The following ELP3 variants were observed in gnomAD, a reference collection of about 807,000 sequenced individuals.
ELP3 encodes the protein elongator complex protein 3.
ELP3 carries 56 observed loss-of-function variants against 74.9 expected under a neutral mutation model. The ratio of observed to expected loss-of-function variants is 0.75; its 90% CI spans 0.60 to 0.93. The LOEUF is 0.93. ELP3 is among the 40% of genes least tolerant of loss of function. The pLI is 0.00. For synonymous variants in ELP3, 222 were observed against 239.8 expected (o/e 0.93, Z 0.68); for missense variants, 573 against 686.5 (o/e 0.83, Z 1.85).
At chr8:28,120,626 C>A (rs2130428560) in intron 7 of ELP3, among the ~76,000 whole-genome samples, 2 of 152,272 alleles carry the variant, frequency 1.3e-5, no homozygotes, top group Middle Eastern at 6.8e-3. Flanking sequence ...ATTGCACGTT[C>A]CCAAGGCACA....
rs755739854 is a variant in ELP3, at chr8:28,097,319, G to C, written c.119+1G>C. The C allele has an allele frequency of 2.2e-5, 36 of 1,605,442 alleles. No homozygotes were observed. Among genetic ancestry groups the C allele is most frequent in the Non-Finnish European group, 3.0e-5 (35 of 1,172,708 alleles). ...AGGGGAAAGACATCGATCTAAATAA[G>C]TAAGTGGATATAAAGAGAGAGCAAG... On this transcript the variant is annotated splice_donor_variant, in intron 2 of 14. Coordinates refer to ENST00000256398, the MANE Select transcript of ELP3 (RefSeq NM_018091.6). LOFTEE classifies it high-confidence loss of function.
intron 14 of ELP3, among the ~76,000 whole-genome samples, chr8:28,175,384 T>C (rs1585748848): frequency 6.6e-6 from 1 of 152,210 alleles, no homozygotes; most frequent in South Asian, 2.1e-4. Context: ...ACTGATTCTG[T>C]CTGCTGCCTC....
intron 7 of ELP3, among the ~76,000 whole-genome samples, chr8:28,117,608 G>A (rs1812189837): frequency 2.0e-5 from 3 of 152,086 alleles, no homozygotes; most frequent in Admixed American, 2.0e-4. Flanking sequence ...TGCCTCTTGA[G>A]AAGTAATGAA....
At chr8:28,179,834 A>G (rs927732879) in intron 14 of ELP3, among the ~76,000 whole-genome samples, 4 of 152,148 alleles carry the variant, frequency 2.6e-5, no homozygotes, top group South Asian at 2.1e-4. Context: ...AATGTGAGCA[A>G]TGGGGAGTGG....
chr8:28,184,391 C>T (rs1168611461), intron 14 of ELP3, among the ~76,000 whole-genome samples: 5 of 152,126 alleles, frequency 3.3e-5, no homozygotes, highest in Non-Finnish European at 7.4e-5. Context: ...AAAGGCCCAT[C>T]GTGAGGCCTG....
At chr8:28,158,448 A>G in intron 11 of ELP3, 120 bp from the exon 12 acceptor site, 1 of 728,094 alleles carries the variant, frequency 1.4e-6, no homozygotes, top group East Asian at 2.6e-5. Flanking sequence ...TGCAAACTTA[A>G]TTTTGAGCCC....
chr8:28,117,410 A>G (rs1171775198), intron 7 of ELP3, among the ~76,000 whole-genome samples: 1 of 152,212 alleles, frequency 6.6e-6, no homozygotes, highest in East Asian at 1.9e-4. Flanking sequence ...CAGCGAGCTC[A>G]GTGCAGATCA....
intron 7 of ELP3, among the ~76,000 whole-genome samples, chr8:28,125,179 T>C (rs979295792): frequency 4.6e-5 from 7 of 152,220 alleles, no homozygotes; most frequent in Admixed American, 3.9e-4. Context: ...CAAACAAATC[T>C]GGCTGTTCAA....
At chr8:28,161,895 A>AT in intron 13 of ELP3, 102 bp from the exon 14 acceptor site, 1 of 1,131,666 alleles carries the variant, frequency 8.8e-7, no homozygotes. Context: ...CTCTTAACAG[A>AT]TTTTAGCAAC....
In ELP3 at chr8:28,189,918, C is replaced by G; in HGVS notation, c.*193C>G. On this transcript the variant is annotated 3_prime_UTR_variant, in exon 15 of 15. Transcript: ENST00000256398. The stretch of plus-strand genomic sequence containing the variant: ...GCTGACCACACCCCAGATCCGCCCT[C>G]TCCTGCGTGCACCCCAAAAAATCAC... 1 of 531,976 alleles carries G rather than the reference C, an allele frequency of 1.9e-6. No homozygotes were observed. Among genetic ancestry groups the G allele is most frequent in the South Asian group, 2.8e-5 (1 of 35,572 alleles). 33.0% of individuals were successfully genotyped at this position (531,976 alleles called of 1,614,324 possible). A position where few individuals can be genotyped will look rare whatever the true frequency, so the allele number is the denominator to read the frequency against.
chr8:28,167,010 G>A lies in ELP3; in HGVS notation c.1567+4932G>A, dbSNP rs77969192. ...CATTGGCCAAGAATCGTACAAGGCC[G>A]ATGGATCACACAGTGATGGTGAAGA... On this transcript the variant is annotated intron_variant, in intron 14 of 14. Transcript: ENST00000256398. Among the ~76,000 whole-genome samples the A allele has an allele frequency of 4.4e-3, 666 of 152,332 alleles. 5 individuals are homozygous for A. Among genetic ancestry groups the A allele is most frequent in the African/African-American group, 0.015 (612 of 41,562 alleles).
chr8:28,158,480 A>C, intron 11 of ELP3, 88 bp from the exon 12 acceptor site: 1 of 929,320 alleles, frequency 1.1e-6, no homozygotes. Flanking sequence ...GAGAGGTTTA[A>C]ATAAAAATAA....
chr8:28,152,495 T>G (rs1356831192), intron 10 of ELP3, among the ~76,000 whole-genome samples: 1 of 152,222 alleles, frequency 6.6e-6, no homozygotes, highest in Non-Finnish European at 1.5e-5. Flanking sequence ...CACTTGTGCT[T>G]TGGCGTCATG....
chr8:28,160,210 G>T lies in ELP3; in HGVS notation c.1258-19G>T, dbSNP rs765146355. The T allele has an allele frequency of 3.1e-6, 5 of 1,590,130 alleles. No homozygotes were observed. The highest frequency in any genetic ancestry group is 1.8e-5 in the Admixed American group (1 of 55,304). ...TCTTTAATTTTGAATAATATTTTTT[G>T]TGGCTTTTTACTAAATAGGTTGAAT... is the stretch of plus-strand genomic sequence containing the variant. On this transcript the variant is annotated intron_variant, in intron 12 of 14. Coordinates refer to ENST00000256398, the MANE Select transcript of ELP3 (RefSeq NM_018091.6).
intron 14 of ELP3, among the ~76,000 whole-genome samples, chr8:28,166,394 T>G (rs1317615356): frequency 2.0e-5 from 3 of 152,212 alleles, no homozygotes; most frequent in Non-Finnish European, 4.4e-5. Context: ...TATAAAATAA[T>G]GTGTAGGCAA....
Position 28,190,094 on chromosome 8 carries a change from C to T in ELP3, c.*369C>T. 5.7e-6 allele frequency: 1 copy of T among 175,188 alleles called. No individual in the cohort carries two copies. Among genetic ancestry groups the T allele is most frequent in the Non-Finnish European group, 1.2e-5 (1 of 82,512 alleles). The allele number at this position is 175,188 out of a possible 1,614,324, so 10.9% of individuals were successfully genotyped here. A position where few individuals can be genotyped will look rare whatever the true frequency, so the allele number is the denominator to read the frequency against. ...ATAAAACTGATTGTCATTCGAGGAG[C>T]AAACTTAAGAGTAGTTTATTTATAT... On this transcript the variant is annotated 3_prime_UTR_variant, in exon 15 of 15. Coordinates refer to ENST00000256398, the MANE Select transcript of ELP3 (RefSeq NM_018091.6).
chr8:28,142,069 T>C (rs1813262104), intron 10 of ELP3, among the ~76,000 whole-genome samples: 1 of 152,192 alleles, frequency 6.6e-6, no homozygotes, highest in African/African-American at 2.4e-5. Flanking sequence ...TTATAGACTT[T>C]TAAATACCAC....
rs1244215007 is a variant in ELP3, at chr8:28,106,925, C to T, written c.329+142C>T. On this transcript the variant is annotated intron_variant, in intron 4 of 14. Coordinates refer to ENST00000256398, the MANE Select transcript of ELP3 (RefSeq NM_018091.6). The stretch of plus-strand genomic sequence containing the variant: ...TAGATTACTCCTTTCAAACAAGCAA[C>T]CATTGGTAGATATTTTAGTGCTTTA... The T allele has an allele frequency of 3.7e-5, 23 of 624,560 alleles. No individual in the cohort carries two copies. The East Asian group carries it at 6.8e-4, about 18-fold the overall frequency. The allele number at this position is 624,560 out of a possible 1,614,324, so 38.7% of individuals were successfully genotyped here.
At chr8:28,096,786 C>T (rs965496702) in intron 1 of ELP3, among the ~76,000 whole-genome samples, 3 of 152,308 alleles carry the variant, frequency 2.0e-5, no homozygotes, top group African/African-American at 7.2e-5. Flanking sequence ...TTCTGTCTAC[C>T]TCTGTTCTGA....
Sources: allele counts gnomAD v4.1 joint callset (sites outside exome capture counted in the v4.1 genomes callset), GRCh38; gene constraint gnomAD v4.1.1; transcripts MANE v1.5; gene names NCBI Gene and HGNC (gene_info 2026-07-23, HGNC 2026-07-21).